NLGN1: variants seen among roughly 807,000 people sequenced by gnomAD.
NLGN1 encodes the protein neuroligin 1, also known as neuroligin-1.
In NLGN1, 12 loss-of-function variants were observed where a neutral mutation model predicts 65.5. The ratio of observed to expected loss-of-function variants is 0.18; its 90% confidence interval spans 0.12 to 0.30. The LOEUF (loss-of-function observed/expected upper bound fraction) is 0.30, where lower values mean the gene tolerates loss of function less well. NLGN1 is among the 10% of genes least tolerant of loss of function. The pLI is 1.00. For synonymous variants in NLGN1, 350 were observed against 359.5 expected (o/e 0.97, Z 0.30); for missense variants, 750 against 1,007.1 (o/e 0.74, Z 3.46).
chr3:173,907,067 G>T (rs562074337), intron 4 of NLGN1, among the ~76,000 whole-genome samples: 1 of 152,138 alleles, frequency 6.6e-6, no homozygotes, highest in South Asian at 2.1e-4. Flanking sequence ...AGGCCTGGTA[G>T]TCATTTTAAA....
chr3:173,400,427 A>G (rs1717455638), intron 1 of NLGN1, among the ~76,000 whole-genome samples: 1 of 151,998 alleles, frequency 6.6e-6, no homozygotes, highest in Non-Finnish European at 1.5e-5. Flanking sequence ...CCCCTTCTGA[A>G]TTCACTCTTT....
chr3:173,949,766 G>A (rs758882491), intron 4 of NLGN1, among the ~76,000 whole-genome samples: 1 of 152,066 alleles, frequency 6.6e-6, no homozygotes, highest in Non-Finnish European at 1.5e-5. Flanking sequence ...ATTTATTACC[G>A]TGAGTTTACC....
At chr3:173,871,272 T>C (rs575082744) in intron 4 of NLGN1, among the ~76,000 whole-genome samples, 216 of 152,314 alleles carry the variant, frequency 1.4e-3, no homozygotes, top group African/African-American at 5.0e-3. Context: ...TTATATACTT[T>C]ATAATGAACC....
intron 2 of NLGN1, among the ~76,000 whole-genome samples, chr3:173,488,447 G>T (rs1397539044): frequency 2.0e-5 from 3 of 151,848 alleles, no homozygotes; most frequent in South Asian, 4.2e-4. Context: ...TGCGTTCTTT[G>T]TCATTTCTTT....
chr3:173,584,072 C>CAAAA (rs561995466), intron 2 of NLGN1, among the ~76,000 whole-genome samples: 1 of 125,342 alleles, frequency 8.0e-6, no homozygotes, highest in Non-Finnish European at 1.8e-5. Context: ...TTTTTGTAGA[C>CAAAA]AAAAAAAAAA....
chr3:173,440,299 A>G (rs1372147251), intron 2 of NLGN1, among the ~76,000 whole-genome samples: 4 of 152,116 alleles, frequency 2.6e-5, no homozygotes, highest in African/African-American at 9.7e-5. Flanking sequence ...AAAGTCATCC[A>G]TGAGGGTTGG....
intron 3 of NLGN1, among the ~76,000 whole-genome samples, chr3:173,757,148 G>A (rs967912635): frequency 2.6e-5 from 4 of 151,944 alleles, no homozygotes; most frequent in Non-Finnish European, 5.9e-5. Flanking sequence ...GGACATTTTT[G>A]CAATATCTAG....
intron 3 of NLGN1, among the ~76,000 whole-genome samples, chr3:173,668,312 C>A (rs1474840814): frequency 6.6e-6 from 1 of 152,194 alleles, no homozygotes; most frequent in East Asian, 1.9e-4. Context: ...ATATTGCCAG[C>A]AGAAGTAATG....
intron 3 of NLGN1, among the ~76,000 whole-genome samples, chr3:173,757,066 G>A (rs1228457456): frequency 6.6e-6 from 1 of 151,946 alleles, no homozygotes; most frequent in Non-Finnish European, 1.5e-5. Flanking sequence ...ATCTAGAGGT[G>A]ATGAAACCAA....
chr3:173,984,911 G>C (rs933197824), intron 4 of NLGN1, among the ~76,000 whole-genome samples: 2 of 152,198 alleles, frequency 1.3e-5, no homozygotes, highest in African/African-American at 4.8e-5. Context: ...GTGTGGTGGC[G>C]TGTGCCTGTA....
At chr3:173,419,411 C>A (rs770779286) in intron 1 of NLGN1, among the ~76,000 whole-genome samples, 26 of 151,630 alleles carry the variant, frequency 1.7e-4, no homozygotes, top group Non-Finnish European at 3.7e-4. Context: ...GGGCAGCTAG[C>A]ATGTCTCTGG....
intron 4 of NLGN1, among the ~76,000 whole-genome samples, chr3:174,073,027 C>T (rs1740220444): frequency 6.6e-6 from 1 of 152,010 alleles, no homozygotes; most frequent in Non-Finnish European, 1.5e-5. Context: ...AGTGAAATTC[C>T]ATATAAATAT....
intron 3 of NLGN1, among the ~76,000 whole-genome samples, chr3:173,798,728 T>A (rs1714729482): frequency 6.6e-6 from 1 of 152,088 alleles, no homozygotes; most frequent in South Asian, 2.1e-4. Context: ...CCTGTCTGTG[T>A]TTGAAATGAC....
chr3:173,924,073 A>T (rs1742555376), intron 4 of NLGN1, among the ~76,000 whole-genome samples: 1 of 152,172 alleles, frequency 6.6e-6, no homozygotes. Context: ...ACAAAAACTG[A>T]TTGGAGAAAC....
chr3:174,022,719 G>A (rs1727993781), intron 4 of NLGN1, among the ~76,000 whole-genome samples: 1 of 150,902 alleles, frequency 6.6e-6, no homozygotes, highest in Non-Finnish European at 1.5e-5. Flanking sequence ...TTTTTTTTCT[G>A]GAAGAATTTT....
At chr3:173,708,446 A>T (rs1768398088) in intron 3 of NLGN1, among the ~76,000 whole-genome samples, 1 of 152,150 alleles carries the variant, frequency 6.6e-6, no homozygotes, top group Non-Finnish European at 1.5e-5. Flanking sequence ...CAGCCCCAAA[A>T]GTCTGTGTCT....
intron 2 of NLGN1, among the ~76,000 whole-genome samples, chr3:173,461,587 A>G (rs959185229): frequency 6.6e-6 from 1 of 152,134 alleles, no homozygotes; most frequent in African/African-American, 2.4e-5. Context: ...AATAATAATA[A>G]TTCTCAAGTC....
intron 3 of NLGN1, among the ~76,000 whole-genome samples, chr3:173,747,548 G>A (rs991356073): frequency 1.3e-5 from 2 of 150,150 alleles, no homozygotes; most frequent in Non-Finnish European, 3.0e-5. Context: ...AGTCCTGTTC[G>A]AATCTCAAGG....
intron 4 of NLGN1, among the ~76,000 whole-genome samples, chr3:173,930,945 T>C (rs923717785): frequency 1.3e-5 from 2 of 152,162 alleles, no homozygotes; most frequent in Admixed American, 1.3e-4. Flanking sequence ...TACTACCTCC[T>C]CACTCACAGT....
Sources: gnomAD v4.1 joint callset for allele counts (sites outside exome capture counted in the v4.1 genomes callset) on GRCh38, gnomAD v4.1.1 for gene constraint, MANE v1.5 for transcripts, NCBI Gene and HGNC (gene_info 2026-07-23, HGNC 2026-07-21) for gene names.